Variants in CDA observed in about 807,000 individuals in gnomAD.
CDA encodes the protein cytidine deaminase.
Under a neutral mutation model 15.0 loss-of-function variants are expected in CDA, and 7 were observed. The ratio of observed to expected loss-of-function variants is 0.47; its 90% CI spans 0.26 to 0.87. CDA has a LOEUF of 0.87. CDA is among the 40% of genes least tolerant of loss of function. The probability of loss-of-function intolerance (pLI) is 0.15; values close to 1 mark genes in which losing one functional copy is unlikely to be tolerated. For synonymous variants in CDA, 58 were observed against 73.0 expected, an observed-to-expected ratio of 0.79 and a Z score of 1.05; for missense variants, 159 against 182.7, an observed-to-expected ratio of 0.87 and a Z score of 0.75.
intron 1 of CDA, among the ~76,000 whole-genome samples, chr1:20,589,825 G>A (rs546053771): frequency 6.6e-6 from 1 of 152,272 alleles, no homozygotes; most frequent in Non-Finnish European, 1.5e-5. Context: ...CTCAGTGCTG[G>A]CCAGGGTGGT....
intron 1 of CDA, among the ~76,000 whole-genome samples, chr1:20,595,559 C>T (rs748052699): frequency 7.9e-5 from 12 of 152,194 alleles, no homozygotes; most frequent in Admixed American, 1.3e-4. Flanking sequence ...GCTCCCATCA[C>T]GCCCCGTTTC....
chr1:20,614,647 A>C (rs554725467), intron 3 of CDA, among the ~76,000 whole-genome samples: 1 of 152,320 alleles, frequency 6.6e-6, no homozygotes, highest in Admixed American at 6.5e-5. Context: ...TGAGACAGAC[A>C]AAGGTCAAAA....
At chr1:20,611,270 C>A (rs1308149722) in intron 2 of CDA, among the ~76,000 whole-genome samples, 4 of 152,202 alleles carry the variant, frequency 2.6e-5, no homozygotes, top group Admixed American at 2.6e-4. Flanking sequence ...ATCCTATGTT[C>A]TTCCAGAGAT....
intron 1 of CDA, among the ~76,000 whole-genome samples, chr1:20,596,130 C>A (rs1239291646): frequency 6.6e-6 from 1 of 152,024 alleles, no homozygotes; most frequent in African/African-American, 2.4e-5. Flanking sequence ...GCCTGGGTAA[C>A]AAGAGTGAAA....
chr1:20,599,716 T>C (rs1557547182), intron 1 of CDA, among the ~76,000 whole-genome samples: 1 of 150,048 alleles, frequency 6.7e-6, no homozygotes, highest in African/African-American at 2.4e-5. Context: ...AGGACCACTG[T>C]CATACCTTGT....
chr1:20,612,828 A>G (rs1049085616), intron 2 of CDA, among the ~76,000 whole-genome samples: 2 of 151,324 alleles, frequency 1.3e-5, no homozygotes, highest in African/African-American at 4.9e-5. Flanking sequence ...CTGTAATCCC[A>G]GCTACTCGGG....
chr1:20,596,750 T>C (rs2052594224), intron 1 of CDA, among the ~76,000 whole-genome samples: 1 of 141,648 alleles, frequency 7.1e-6, no homozygotes, highest in South Asian at 2.3e-4. Flanking sequence ...CTTTCCCTGT[T>C]GATGTCTTTT....
At chr1:20,616,061 A>AT (rs1487052210) in intron 3 of CDA, among the ~76,000 whole-genome samples, 1 of 152,084 alleles carries the variant, frequency 6.6e-6, no homozygotes, top group Non-Finnish European at 1.5e-5. Context: ...AGTGAAATGC[A>AT]TGTCGTTATT....
intron 1 of CDA, among the ~76,000 whole-genome samples, chr1:20,603,165 C>T (rs1557548196): frequency 6.6e-6 from 1 of 152,188 alleles, no homozygotes; most frequent in Non-Finnish European, 1.5e-5. Flanking sequence ...AACCACTAAG[C>T]CAATGTCACA....
intron 1 of CDA, among the ~76,000 whole-genome samples, chr1:20,590,421 A>G (rs1288075880): frequency 6.6e-6 from 1 of 152,142 alleles, no homozygotes; most frequent in African/African-American, 2.4e-5. Context: ...GCTGAGGTGA[A>G]TATTAAACAT....
intron 2 of CDA, among the ~76,000 whole-genome samples, chr1:20,609,724 A>T (rs1017727139): frequency 2.0e-5 from 3 of 152,128 alleles, no homozygotes; most frequent in Non-Finnish European, 4.4e-5. Context: ...ATAGAGAAGG[A>T]TTTTGGTCGA....
intron 1 of CDA, among the ~76,000 whole-genome samples, chr1:20,603,234 G>C (rs2052663317): frequency 1.3e-5 from 2 of 152,122 alleles, no homozygotes; most frequent in Admixed American, 1.3e-4. Flanking sequence ...GTCTGTATTA[G>C]ACATAGGTTA....
At chr1:20,601,857 C>T (rs903739886) in intron 1 of CDA, among the ~76,000 whole-genome samples, 2 of 151,988 alleles carry the variant, frequency 1.3e-5, no homozygotes, top group East Asian at 1.9e-4. Flanking sequence ...GGCTGGGCAC[C>T]GTGGCTCACA....
intron 2 of CDA, among the ~76,000 whole-genome samples, chr1:20,607,917 G>A (rs1022863546): frequency 4.6e-5 from 7 of 152,182 alleles, no homozygotes; most frequent in South Asian, 2.1e-4. Flanking sequence ...GGAAAGGTCC[G>A]TGTGTCTTAC....
intron 2 of CDA, among the ~76,000 whole-genome samples, chr1:20,606,002 C>T (rs1232612137): frequency 7.9e-6 from 1 of 126,054 alleles, no homozygotes; most frequent in African/African-American, 2.8e-5. Flanking sequence ...GGGGACTGCA[C>T]AGAAGCAAGC....
chr1:20,604,807 C>T, intron 1 of CDA, 121 bp from the exon 2 acceptor site: 2 of 733,462 alleles, frequency 2.7e-6, no homozygotes, highest in South Asian at 1.5e-5. Flanking sequence ...CTGTCCTTCT[C>T]CCCACCTTGT....
chr1:20,599,082 G>T (rs1462221130), intron 1 of CDA, among the ~76,000 whole-genome samples: 1 of 152,178 alleles, frequency 6.6e-6, no homozygotes, highest in African/African-American at 2.4e-5. Context: ...CGGAGAAAGC[G>T]TCTCTGAGAA....
chr1:20,615,263 A>G (rs948098632), intron 3 of CDA, among the ~76,000 whole-genome samples: 2 of 152,164 alleles, frequency 1.3e-5, no homozygotes, highest in African/African-American at 4.8e-5. Flanking sequence ...AAGCCATTGG[A>G]TATTTTCAAG....
At chr1:20,592,083 G>C (rs1355442480) in intron 1 of CDA, among the ~76,000 whole-genome samples, 1 of 151,954 alleles carries the variant, frequency 6.6e-6, no homozygotes, top group African/African-American at 2.4e-5. Context: ...TGATCCACCC[G>C]CCTCAGCCTC....
Sources: allele counts gnomAD v4.1 joint callset (sites outside exome capture counted in the v4.1 genomes callset), GRCh38; gene constraint gnomAD v4.1.1; transcripts MANE v1.5; gene names NCBI Gene and HGNC (gene_info 2026-07-23, HGNC 2026-07-21).